MGAT5: variants seen among roughly 807,000 people sequenced by gnomAD.
MGAT5 encodes the protein alpha-1,6-mannosylglycoprotein 6-beta-N-acetylglucosaminyltransferase.
A neutral mutation model predicts 94.3 loss-of-function variants in MGAT5; 30 were observed. The ratio of observed to expected loss-of-function variants is 0.32; its 90% CI spans 0.24 to 0.43. The LOEUF is 0.43. MGAT5 is among the 20% of genes least tolerant of loss of function. MGAT5 has a pLI of 1.00. For missense variants in MGAT5, 691 were observed against 905.5 expected (o/e 0.76, Z 3.04); for synonymous variants, 310 against 322.9 (o/e 0.96, Z 0.43).
At chr2:134,332,408 C>A (rs1456846799) in intron 4 of MGAT5, among the ~76,000 whole-genome samples, 1 of 151,292 alleles carries the variant, frequency 6.6e-6, no homozygotes, top group Non-Finnish European at 1.5e-5. Flanking sequence ...AAACTGGATC[C>A]CTTCCTTACA....
chr2:134,319,453 A>T (rs876886), intron 4 of MGAT5, among the ~76,000 whole-genome samples: 24,436 of 152,102 alleles, frequency 0.16, 2,058 homozygotes, highest in Middle Eastern at 0.35. Context: ...CCACATGATC[A>T]GAATCTTGAG....
At chr2:134,432,014 C>T (rs3791322) in intron 14 of MGAT5, among the ~76,000 whole-genome samples, 30,712 of 152,166 alleles carry the variant, frequency 0.2, 5,029 homozygotes, top group African/African-American at 0.45. Context: ...TGAGCTTTCT[C>T]AAAGAGACGC....
chr2:134,358,177 C>T lies in MGAT5; in HGVS notation c.1247-4098C>T, dbSNP rs568601957. ...CTATATGCCCCAGTCCTCTCTCTATCCATCACTCCACCTTTTTTTTTTTTT... is the reference window on the plus strand; with the variant it reads ...CTATATGCCCCAGTCCTCTCTCTATTCATCACTCCACCTTTTTTTTTTTTT... On this transcript the variant is annotated intron_variant, in intron 9 of 15. Transcript: ENST00000281923. Among the ~76,000 whole-genome samples the T allele has an allele frequency of 3.6e-5, 5 of 139,552 alleles. No homozygotes were observed. In the East Asian group the frequency reaches 1.1e-3, roughly 30 times the overall value. 91.6% of individuals were successfully genotyped at this position (139,552 alleles called of 152,430 possible).
chr2:134,317,467 G>T (rs1380420568), intron 2 of MGAT5, 62 bp from the exon 3 acceptor site: 3 of 1,268,336 alleles, frequency 2.4e-6, no homozygotes, highest in East Asian at 5.4e-5. Flanking sequence ...TGGCTTACAA[G>T]AATGTTAGGC....
chr2:134,181,217 C>A (rs1228640342), intron 1 of MGAT5, among the ~76,000 whole-genome samples: 5 of 152,088 alleles, frequency 3.3e-5, no homozygotes, highest in African/African-American at 1.2e-4. Flanking sequence ...GTGTTACTGG[C>A]AGCTTCCAGT....
intron 1 of MGAT5, among the ~76,000 whole-genome samples, chr2:134,177,779 G>A (rs565233319): frequency 4.6e-5 from 7 of 152,318 alleles, no homozygotes; most frequent in East Asian, 1.9e-4. Context: ...TCAGCAGCAC[G>A]GAATGGCCGA....
chr2:134,328,281 CTG>C (rs2105940961), intron 4 of MGAT5, among the ~76,000 whole-genome samples: 1 of 152,202 alleles, frequency 6.6e-6, no homozygotes, highest in South Asian at 2.1e-4. Flanking sequence ...GCCCTGTACT[CTG>C]TCTCTTGCAG....
intron 2 of MGAT5, among the ~76,000 whole-genome samples, chr2:134,281,114 C>G (rs1684665136): frequency 6.6e-6 from 1 of 152,152 alleles, no homozygotes; most frequent in South Asian, 2.1e-4. Flanking sequence ...ATTGCTGACC[C>G]TCCGATTCAT....
At chr2:134,189,035 C>T (rs1689184047) in intron 1 of MGAT5, among the ~76,000 whole-genome samples, 1 of 152,142 alleles carries the variant, frequency 6.6e-6, no homozygotes, top group Non-Finnish European at 1.5e-5. Context: ...GTGTCTTGTC[C>T]CTTGGAACTA....
intron 4 of MGAT5, among the ~76,000 whole-genome samples, chr2:134,333,915 C>G (rs549706033): frequency 5.2e-4 from 79 of 152,230 alleles, no homozygotes; most frequent in African/African-American, 1.9e-3. Context: ...TCCCTTCTCC[C>G]CATGGGATAA....
intron 1 of MGAT5, among the ~76,000 whole-genome samples, chr2:134,141,846 G>A (rs896462283): frequency 2.4e-4 from 36 of 152,202 alleles, no homozygotes; most frequent in African/African-American, 8.4e-4. Context: ...GGCGAGGTCA[G>A]GAAAAGCCTT....
At chr2:134,174,983 C>A (rs555452282) in intron 1 of MGAT5, among the ~76,000 whole-genome samples, 1 of 152,224 alleles carries the variant, frequency 6.6e-6, no homozygotes, top group Admixed American at 6.5e-5. Context: ...ACTCTAGATA[C>A]CACTGCCCAT....
At chr2:134,146,634 T>C (rs1686933316) in intron 1 of MGAT5, among the ~76,000 whole-genome samples, 1 of 152,182 alleles carries the variant, frequency 6.6e-6, no homozygotes, top group Non-Finnish European at 1.5e-5. Flanking sequence ...TGTTTGAAGA[T>C]AATGCTGCTG....
chr2:134,279,219 C>T (rs924230914), intron 2 of MGAT5, among the ~76,000 whole-genome samples: 6 of 152,310 alleles, frequency 3.9e-5, no homozygotes, highest in African/African-American at 1.4e-4. Context: ...CCATTTCTGC[C>T]ACTTATGTGC....
chr2:134,193,675 TTGTGTGTGTGTGTGTGTGTGTG>T lies in MGAT5; in HGVS notation c.-142-60555_-142-60534del, dbSNP rs58044792. Among the ~76,000 whole-genome samples the T allele has an allele frequency of 4.9e-4, 64 of 130,892 alleles. 3 individuals carry two copies. Among genetic ancestry groups the T allele is most frequent in the African/African-American group, 1.1e-3 (39 of 34,922 alleles). The allele number at this position is 130,892 out of a possible 152,430, so 85.9% of individuals were successfully genotyped here. On this transcript the variant is annotated intron_variant, in intron 1 of 16. Coordinates refer to the MGAT5 transcript ENST00000409645. ...CCCCTCTCTTACATACCCCAAATCT[TTGTGTGTGTGTGTGTGTGTGTG>T]TGTGTGTGTGTGTGTGTGTGTGTGT... is the stretch of plus-strand genomic sequence containing the variant.
intron 10 of MGAT5, among the ~76,000 whole-genome samples, chr2:134,384,235 C>T (rs2106217213): frequency 6.9e-6 from 1 of 144,320 alleles, no homozygotes; most frequent in East Asian, 2.1e-4. Context: ...AAAAAGTCAT[C>T]ATCCTCTCAT....
intron 14 of MGAT5, among the ~76,000 whole-genome samples, chr2:134,440,613 C>G (rs772735038): frequency 8.5e-5 from 13 of 152,106 alleles, no homozygotes; most frequent in African/African-American, 3.1e-4. Flanking sequence ...TAAGAGCGTT[C>G]GAAAACAAAT....
intron 1 of MGAT5, among the ~76,000 whole-genome samples, chr2:134,193,290 T>G (rs562438932): frequency 6.6e-6 from 1 of 152,202 alleles, no homozygotes; most frequent in East Asian, 1.9e-4. Context: ...GCCTAGCTAC[T>G]TTATTTTGTA....
At chr2:134,200,953 C>CT (rs776241167) in intron 1 of MGAT5, among the ~76,000 whole-genome samples, 11 of 151,980 alleles carry the variant, frequency 7.2e-5, no homozygotes, top group Admixed American at 2.0e-4. Context: ...TGGTCTTGCT[C>CT]TGTCTCCTGA....
Sources: gnomAD v4.1 joint callset for allele counts (sites outside exome capture counted in the v4.1 genomes callset) on GRCh38, gnomAD v4.1.1 for gene constraint, MANE v1.5 for transcripts, NCBI Gene and HGNC (gene_info 2026-07-23, HGNC 2026-07-21) for gene names.